PAPPA2: variants seen among roughly 807,000 people sequenced by gnomAD.
The protein encoded by PAPPA2 is pappalysin 2, also known as pappalysin-2.
Under a neutral mutation model 176.4 loss-of-function variants are expected in PAPPA2, and 86 were observed. That is an observed-to-expected ratio of 0.49 (90% CI 0.41 to 0.58). The LOEUF is 0.58. Among genes scored for constraint, PAPPA2 ranks in the 20% least tolerant of loss-of-function variants. PAPPA2 has a pLI of 0.00. For synonymous variants in PAPPA2, 809 were observed against 852.2 expected (o/e 0.95, Z 0.88); for missense variants, 2,073 against 2,256.9 (o/e 0.92, Z 1.65).
At chr1:176,634,109 A>C (rs1012367503) in intron 3 of PAPPA2, among the ~76,000 whole-genome samples, 12 of 152,146 alleles carry the variant, frequency 7.9e-5, no homozygotes, top group East Asian at 3.9e-4. Context: ...ACCCAAAGGG[A>C]TATAAATCAT....
intron 2 of PAPPA2, among the ~76,000 whole-genome samples, chr1:176,570,191 C>T (rs758850466): frequency 1.5e-4 from 23 of 152,188 alleles, no homozygotes; most frequent in Non-Finnish European, 2.2e-4. Flanking sequence ...TACCTGAAGA[C>T]GAAGCCACTG....
chr1:176,824,385 AG>A (rs2102977346), intron 21 of PAPPA2, among the ~76,000 whole-genome samples: 1 of 152,354 alleles, frequency 6.6e-6, no homozygotes, highest in East Asian at 1.9e-4. Context: ...ACATCCTACA[AG>A]TAGTTAATAA....
At chr1:176,464,817 A>G (rs1208044792) in intron 1 of PAPPA2, among the ~76,000 whole-genome samples, 2 of 152,232 alleles carry the variant, frequency 1.3e-5, no homozygotes, top group Admixed American at 6.5e-5. Flanking sequence ...AATAGAAGTT[A>G]CTGTAGAAAG....
At chr1:176,724,163 C>T (rs763568653) in intron 12 of PAPPA2, among the ~76,000 whole-genome samples, 2 of 152,160 alleles carry the variant, frequency 1.3e-5, no homozygotes, top group African/African-American at 4.8e-5. Flanking sequence ...AAACATAGCA[C>T]GAGCAAGCAA....
chr1:176,653,373 C>T (rs756697363), intron 3 of PAPPA2, among the ~76,000 whole-genome samples: 6 of 151,812 alleles, frequency 4.0e-5, no homozygotes, highest in Non-Finnish European at 8.9e-5. Context: ...CCATTTCATC[C>T]TCCCCCTTTA....
chr1:176,673,322 C>T (rs1659111300), intron 4 of PAPPA2, among the ~76,000 whole-genome samples: 1 of 152,068 alleles, frequency 6.6e-6, no homozygotes, highest in South Asian at 2.1e-4. Context: ...ATTCCTGTTC[C>T]TGTAGTCCAT....
At chr1:176,748,706 A>G (rs1160348934) in intron 14 of PAPPA2, among the ~76,000 whole-genome samples, 7 of 152,160 alleles carry the variant, frequency 4.6e-5, no homozygotes, top group Non-Finnish European at 7.4e-5. Context: ...TTTTTGCTGT[A>G]CCTTTTCTAT....
intron 21 of PAPPA2, among the ~76,000 whole-genome samples, chr1:176,828,823 G>A (rs1666959177): frequency 6.6e-6 from 1 of 151,890 alleles, no homozygotes. Flanking sequence ...CCAACATGGT[G>A]AAACCCCGTC....
rs1558407802 is a variant in PAPPA2, at chr1:176,507,915, TA to T, written c.-917+44505del. ...CATATCTAAAGTAAAAGTTGAAATT[TA>T]AAAAAAATTATATAAAAAGCAGAAA... On this transcript the variant is annotated intron_variant, in intron 1 of 22. Coordinates refer to ENST00000367662, the MANE Select transcript of PAPPA2 (RefSeq NM_020318.3). Among the ~76,000 whole-genome samples, 4 of 151,638 alleles carry T rather than the reference TA, an allele frequency of 2.6e-5. No homozygotes were observed. The South Asian group carries it at 8.3e-4, about 32-fold the overall frequency.
At chr1:176,791,712 C>A (rs776478126) in intron 19 of PAPPA2, among the ~76,000 whole-genome samples, 18 of 152,128 alleles carry the variant, frequency 1.2e-4, no homozygotes, top group Non-Finnish European at 2.4e-4. Context: ...TGCCACCACA[C>A]CTGGCTAATT....
Position 176,842,893 on chromosome 1 carries a change from T to C in PAPPA2, c.*439T>C, listed in dbSNP as rs1667538437. On this transcript the variant is annotated 3_prime_UTR_variant, in exon 23 of 23. Transcript: ENST00000367662. ...AATACCCATTTTGAATGGATTGCCA[T>C]CTTTCAGAGCTTGTCTGCTCTCAAC... 1 of 153,406 alleles carries C rather than the reference T, an allele frequency of 6.5e-6. No individual in the cohort carries two copies. Among genetic ancestry groups the C allele is most frequent in the African/African-American group, 2.4e-5 (1 of 41,472 alleles). 9.5% of individuals were successfully genotyped at this position (153,406 alleles called of 1,614,324 possible). A position where few individuals can be genotyped will look rare whatever the true frequency, so the allele number is the denominator to read the frequency against.
At chr1:176,703,451 A>G (rs756200299) in intron 9 of PAPPA2, among the ~76,000 whole-genome samples, 8 of 152,216 alleles carry the variant, frequency 5.3e-5, no homozygotes, top group Non-Finnish European at 8.8e-5. Context: ...TGATCACCCT[A>G]CATCAACCTA....
At chr1:176,597,851 G>C (rs1654069368) in intron 3 of PAPPA2, among the ~76,000 whole-genome samples, 1 of 152,174 alleles carries the variant, frequency 6.6e-6, no homozygotes, top group Non-Finnish European at 1.5e-5. Context: ...CCACTGCCCT[G>C]TCTGAGAGAG....
chr1:176,783,953 A>G (rs781103307), intron 17 of PAPPA2, among the ~76,000 whole-genome samples: 1 of 152,218 alleles, frequency 6.6e-6, no homozygotes, highest in Non-Finnish European at 1.5e-5. Flanking sequence ...TGGCTTCTAC[A>G]TAATTCTGAT....
At chr1:176,472,508 T>C (rs568005073) in intron 1 of PAPPA2, among the ~76,000 whole-genome samples, 7 of 152,270 alleles carry the variant, frequency 4.6e-5, no homozygotes, top group African/African-American at 1.7e-4. Context: ...GCCCCAAACA[T>C]GGAATCTGCC....
At chr1:176,707,039 GC>G (rs1414492932) in intron 10 of PAPPA2, among the ~76,000 whole-genome samples, 3 of 152,054 alleles carry the variant, frequency 2.0e-5, no homozygotes, top group Non-Finnish European at 4.4e-5. Context: ...CTAGACTCTT[GC>G]CACTCCAGGG....
intron 1 of PAPPA2, among the ~76,000 whole-genome samples, chr1:176,505,022 G>A (rs1360013260): frequency 3.3e-5 from 5 of 152,106 alleles, no homozygotes; most frequent in African/African-American, 1.2e-4. Context: ...CCTAATACAG[G>A]GAGTTACCTA....
chr1:176,544,269 G>A (rs543706635), intron 1 of PAPPA2, among the ~76,000 whole-genome samples: 12 of 152,264 alleles, frequency 7.9e-5, no homozygotes, highest in African/African-American at 1.4e-4. Context: ...AAGTGTCAAC[G>A]CTTGCATACA....
At chr1:176,615,538 A>T (rs1655156350) in intron 3 of PAPPA2, among the ~76,000 whole-genome samples, 1 of 152,016 alleles carries the variant, frequency 6.6e-6, no homozygotes, top group African/African-American at 2.4e-5. Context: ...TGTATTAGCC[A>T]GGGTAGTCTC....
Sources: gnomAD v4.1 joint callset for allele counts (sites outside exome capture counted in the v4.1 genomes callset) on GRCh38, gnomAD v4.1.1 for gene constraint, MANE v1.5 for transcripts, NCBI Gene and HGNC (gene_info 2026-07-23, HGNC 2026-07-21) for gene names.